N4BP2L2: variants seen among roughly 807,000 people sequenced by gnomAD.
N4BP2L2 encodes NEDD4 binding protein 2 like 2, also known as NEDD4-binding protein 2-like 2.
N4BP2L2 carries 50 observed loss-of-function variants against 56.2 expected under a neutral mutation model. The observed-to-expected ratio is 0.89, with a 90% CI of 0.71 to 1.13. The LOEUF (loss-of-function observed/expected upper bound fraction) is 1.13. Ranked by LOEUF, N4BP2L2 falls within the 50% of genes most tolerant of loss-of-function variation. The pLI is 0.00. For synonymous variants in N4BP2L2, 203 were observed against 223.6 expected (o/e 0.91, Z 0.82); for missense variants, 689 against 693.8 (o/e 0.99, Z 0.08).
chr13:32,529,783 T>C (rs1016484694), intron 2 of N4BP2L2, among the ~76,000 whole-genome samples: 11 of 151,888 alleles, frequency 7.2e-5, no homozygotes, highest in African/African-American at 2.7e-4. Context: ...TGGAGTGCAG[T>C]GGTGTGATCT....
chr13:32,459,610 G>T lies in N4BP2L2; in HGVS notation c.366-15484C>A, dbSNP rs547274908. ...TAAAAAACCTGAACAGACCAATAAT[G>T]AGTTATGAGATTGGATCAGTAATAA... On this transcript the variant is annotated intron_variant, in intron 6 of 9. Coordinates refer to the N4BP2L2 transcript ENST00000357505. Among the ~76,000 whole-genome samples the T allele has an allele frequency of 1.6e-4, 24 of 152,166 alleles. No individual in the cohort carries two copies. In the South Asian group the frequency reaches 4.6e-3, roughly 29 times the overall value.
chr13:32,518,698 C>T (rs1286825768), intron 5 of N4BP2L2, among the ~76,000 whole-genome samples: 3 of 152,172 alleles, frequency 2.0e-5, no homozygotes, highest in African/African-American at 7.2e-5. Context: ...CAATGGCTAC[C>T]TTTAGAGAAT....
At chr13:32,525,142 T>C (rs988157234) in intron 3 of N4BP2L2, 4 of 152,220 alleles carry the variant, frequency 2.6e-5, no homozygotes, top group African/African-American at 7.2e-5. Context: ...GGCTCTGCCC[T>C]GTCTATTCAT....
At chr13:32,510,203 A>G (rs1593972695), downstream of N4BP2L2, 1 of 152,176 alleles carries the variant, frequency 6.6e-6, no homozygotes, top group Non-Finnish European at 1.5e-5. Context: ...ATAAAAGAAA[A>G]GTAAGTAAAA....
intron 6 of N4BP2L2, among the ~76,000 whole-genome samples, chr13:32,489,636 G>A (rs182889907): frequency 6.6e-6 from 1 of 151,930 alleles, no homozygotes; most frequent in Admixed American, 6.6e-5. Flanking sequence ...ACTGCTGTAC[G>A]CATATAAACT....
exon 10 of N4BP2L2, chr13:32,432,604 G>A (rs2074994027): frequency 6.6e-6 from 1 of 152,118 alleles, no homozygotes; most frequent in African/African-American, 2.4e-5. Flanking sequence ...GATTTTCAGA[G>A]CTTTTTGGAT....
intron 6 of N4BP2L2, chr13:32,446,395 G>A (rs764274318): frequency 7.3e-7 from 1 of 1,364,876 alleles, no homozygotes; most frequent in Non-Finnish European, 9.8e-7. Context: ...AGTCCAAGGT[G>A]CAATGTCAGT....
chr13:32,462,634 TATAA>T (rs2080343945), intron 6 of N4BP2L2, among the ~76,000 whole-genome samples: 1 of 152,036 alleles, frequency 6.6e-6, no homozygotes, highest in Admixed American at 6.6e-5. Context: ...TCCCAACACA[TATAA>T]ATAAATACTT....
intron 2 of N4BP2L2, among the ~76,000 whole-genome samples, chr13:32,528,456 C>A (rs957734686): frequency 6.6e-6 from 1 of 152,120 alleles, no homozygotes; most frequent in African/African-American, 2.4e-5. Context: ...CAGTTCAGGT[C>A]AATGATAATC....
intron 6 of N4BP2L2, among the ~76,000 whole-genome samples, chr13:32,450,214 G>A (rs2077701225): frequency 6.6e-6 from 1 of 151,864 alleles, no homozygotes; most frequent in South Asian, 2.1e-4. Flanking sequence ...TTTGAAATTA[G>A]TAACAATAAA....
At chr13:32,442,115 T>C (rs1478091080) in intron 7 of N4BP2L2, among the ~76,000 whole-genome samples, 1 of 152,176 alleles carries the variant, frequency 6.6e-6, no homozygotes, top group Non-Finnish European at 1.5e-5. Flanking sequence ...TTTGCCTGCT[T>C]CATCCTCCAT....
intron 6 of N4BP2L2, among the ~76,000 whole-genome samples, chr13:32,494,104 T>A (rs540745686): frequency 6.6e-6 from 1 of 151,832 alleles, no homozygotes; most frequent in African/African-American, 2.4e-5. Flanking sequence ...AAACACCATG[T>A]CTACTAAAAA....
At chr13:32,511,090 G>A (rs940348314) in exon 6 of N4BP2L2, 2 of 152,042 alleles carry the variant, frequency 1.3e-5, no homozygotes, top group African/African-American at 4.8e-5. Context: ...ATCATGTTAG[G>A]TAAGTCGTTT....
At chr13:32,509,987 T>C (rs964926960), downstream of N4BP2L2, among the ~76,000 whole-genome samples, 2 of 152,150 alleles carry the variant, frequency 1.3e-5, no homozygotes, top group African/African-American at 4.8e-5. Context: ...TACTTCAAGA[T>C]TTTCCTTGTA....
intron 6 of N4BP2L2, chr13:32,446,285 G>T: frequency 1.9e-6 from 2 of 1,027,108 alleles, no homozygotes; most frequent in Non-Finnish European, 2.7e-6. Context: ...CAGTTGTGAT[G>T]GGGCCTCTAT....
chr13:32,477,195 A>G, intron 6 of N4BP2L2: 1 of 472,424 alleles, frequency 2.1e-6, no homozygotes, highest in Non-Finnish European at 4.0e-6. Flanking sequence ...GGGCAGTCAG[A>G]AGGTGGAGGA....
At chr13:32,454,456 T>G (rs2078618353) in intron 6 of N4BP2L2, among the ~76,000 whole-genome samples, 1 of 152,170 alleles carries the variant, frequency 6.6e-6, no homozygotes, top group Non-Finnish European at 1.5e-5. Flanking sequence ...ATTTCCCATA[T>G]TATATTATTT....
At chr13:32,493,914 T>C (rs960321311) in intron 6 of N4BP2L2, among the ~76,000 whole-genome samples, 6 of 152,218 alleles carry the variant, frequency 3.9e-5, no homozygotes, top group African/African-American at 1.4e-4. Flanking sequence ...TCCTAGTCCT[T>C]CTATTGACTG....
chr13:32,527,627 C>A, intron 2 of N4BP2L2, 95 bp from the exon 3 acceptor site: 1 of 1,396,242 alleles, frequency 7.2e-7, no homozygotes, highest in Non-Finnish European at 9.8e-7. Context: ...TGAAATAAAT[C>A]ACACAGGAAA....
Sources: allele counts gnomAD v4.1 joint callset (sites outside exome capture counted in the v4.1 genomes callset), GRCh38; gene constraint gnomAD v4.1.1; transcripts MANE v1.5; gene names NCBI Gene and HGNC (gene_info 2026-07-23, HGNC 2026-07-21).